Variants in SRC observed in about 807,000 individuals in gnomAD.
SRC encodes proto-oncogene tyrosine-protein kinase Src.
Under a neutral mutation model 62.9 loss-of-function variants are expected in SRC, and 13 were observed. The observed-to-expected ratio is 0.21, with a 90% confidence interval of 0.13 to 0.33. SRC has a LOEUF of 0.33. Among genes scored for constraint, SRC ranks in the 10% least tolerant of loss-of-function variants. The probability of loss-of-function intolerance (pLI) is 1.00; values close to 1 mark genes in which losing one functional copy is unlikely to be tolerated. For synonymous variants in SRC, 302 were observed against 317.5 expected, an observed-to-expected ratio of 0.95 and a Z score of 0.52; for missense variants, 457 against 737.3, an observed-to-expected ratio of 0.62 and a Z score of 4.40.
At position 37,367,518 on chromosome 20, in the gene SRC, T is replaced by C. The variant is rs185805827; in HGVS notation, c.-173+2241T>C. On this transcript the variant is annotated intron_variant, in intron 2 of 13. Coordinates refer to ENST00000373578, the MANE Select transcript of SRC (RefSeq NM_198291.3). ...TTATGATTAATGTAATCTATTTTTT[T>C]CCTTAGAGACAGGGTCTCACTATGT... Among the ~76,000 whole-genome samples, 267 of 152,168 alleles carry C rather than the reference T, an allele frequency of 1.8e-3. 1 individual carries two copies. The highest frequency in any genetic ancestry group is 6.1e-3 in the African/African-American group (252 of 41,498).
chr20:37,365,690 T>C (rs2070052790), intron 2 of SRC, among the ~76,000 whole-genome samples: 1 of 151,936 alleles, frequency 6.6e-6, no homozygotes, highest in Admixed American at 6.6e-5. Context: ...GCTCAAACGA[T>C]CCTCCCACCT....
rs2070671013 is a variant in SRC at position 37,397,492 on chromosome 20, ATGAC to A, written c.704-201_704-198del. On this transcript the variant is annotated intron_variant, in intron 8 of 13. Coordinates refer to ENST00000373578, the MANE Select transcript of SRC (RefSeq NM_198291.3). This position sits in a 1 kb window ranked among gnomAD's most constrained non-coding sequence, Gnocchi z 4.1. ...TACTGTCTGCTGAATGACTGACTGA[ATGAC>A]TGACTCAGCAGATGCATAAAGCACT... 6.6e-6 allele frequency among the ~76,000 whole-genome samples: 1 copy of A among 152,144 alleles called. No individual in the cohort carries two copies. The highest frequency in any genetic ancestry group is 6.5e-5 in the Admixed American group (1 of 15,282).
Position 37,398,265 on chromosome 20 carries a change from G to A in SRC, c.859+411G>A, listed in dbSNP as rs2070688026. Among the ~76,000 whole-genome samples, 2 of 152,182 alleles carry A rather than the reference G, an allele frequency of 1.3e-5. No individual in the cohort carries two copies. The highest frequency in any genetic ancestry group is 2.9e-5 in the Non-Finnish European group (2 of 68,028). On this transcript the variant is annotated intron_variant, in intron 9 of 13. Coordinates refer to ENST00000373578, the MANE Select transcript of SRC (RefSeq NM_198291.3). This position sits in a 1 kb window ranked among gnomAD's most constrained non-coding sequence, Gnocchi z 5.2. Reference sequence around the variant, plus strand: ...GAGAGAGAAGCCCGGCTCGCAGGAGGGAGTGCTGGGAAGCTTAGGTCTGGC... The same window carrying A: ...GAGAGAGAAGCCCGGCTCGCAGGAGAGAGTGCTGGGAAGCTTAGGTCTGGC...
rs1292768482 is a variant in SRC, at chr20:37,404,195, G to A, written c.*816G>A. ...TCATGGAAAGACTGGGACAGCCCAG[G>A]AAACAAGGGGTCTGAGGATGCATTC... On this transcript the variant is annotated 3_prime_UTR_variant, in exon 14 of 14. Coordinates refer to ENST00000373578, the MANE Select transcript of SRC (RefSeq NM_198291.3). The A allele has an allele frequency of 4.3e-6, 1 of 233,584 alleles. No homozygotes were observed. Among genetic ancestry groups the A allele is most frequent in the Non-Finnish European group, 8.5e-6 (1 of 118,074 alleles). 14.5% of individuals were successfully genotyped at this position (233,584 alleles called of 1,614,324 possible).
At chr20:37,349,868 C>T (rs958720343) in intron 1 of SRC, among the ~76,000 whole-genome samples, 2 of 152,254 alleles carry the variant, frequency 1.3e-5, no homozygotes, top group Non-Finnish European at 2.9e-5. Flanking sequence ...CCCAGCCCCG[C>T]TTCTTCGAAG....
At chr20:37,368,518 C>CTTTTTTTTTTTTTTTTTTTGTTTTTTTTT (rs2070103542) in intron 2 of SRC, among the ~76,000 whole-genome samples, 1 of 73,898 alleles carries the variant, frequency 1.4e-5, no homozygotes, top group African/African-American at 4.3e-5. Flanking sequence ...CCTATATTTT[C>CTTTTTTTTTTTTTTTTTTTGTTTTTTTTT]TTTTTTTTTT....
rs2070641367 is a variant in SRC at position 37,396,087 on chromosome 20, A to C, written c.554-75A>C. The stretch of plus-strand genomic sequence containing the variant: ...CCCTTCCCTCCAATGTCAGGCAGGC[A>C]CAGAACGGTGTCCAGAGCAGCGGCC... On this transcript the variant is annotated intron_variant, in intron 7 of 13. Transcript: ENST00000373578. The surrounding 1 kb of genome is among the most constrained non-coding windows in gnomAD (Gnocchi z 6.1). 2 of 1,560,066 alleles carry C rather than the reference A, an allele frequency of 1.3e-6. No individual in the cohort carries two copies. The highest frequency in any genetic ancestry group is 8.7e-7 in the Non-Finnish European group (1 of 1,154,004).
At chr20:37,370,156 G>A (rs535031110) in intron 2 of SRC, among the ~76,000 whole-genome samples, 17 of 152,276 alleles carry the variant, frequency 1.1e-4, no homozygotes, top group African/African-American at 3.9e-4. Context: ...CCCTTCTATC[G>A]TTTTTGTCAT....
At position 37,392,828 on chromosome 20, in the gene SRC, C is replaced by A. The variant is rs914679695; in HGVS notation, c.351-1067C>A. Among the ~76,000 whole-genome samples the A allele has an allele frequency of 6.5e-4, 99 of 152,132 alleles. 1 individual carries two copies. Among genetic ancestry groups the A allele is most frequent in the Non-Finnish European group, 1.6e-4 (11 of 68,022 alleles). ...GATGTGAGGCCTCTGTGGCTGCCCC[C>A]TCGTCCCCTGTCCCCAGCACCGCCT... On this transcript the variant is annotated intron_variant, in intron 5 of 13. Transcript: ENST00000373578.
In SRC at chr20:37,393,949, C is replaced by T; in HGVS notation, c.405C>T (p.Ile135=). The T allele has an allele frequency of 6.2e-7, 1 of 1,614,116 alleles. No homozygotes were observed. Among genetic ancestry groups the T allele is most frequent in the Non-Finnish European group, 8.5e-7 (1 of 1,180,034 alleles). The change falls in exon 6 of 14, where the codon ATC becomes ATT. Residue 135 remains isoleucine (I), a synonymous_variant. Coordinates refer to ENST00000373578, the MANE Select transcript of SRC (RefSeq NM_198291.3). ...TCAGCACAGGACAGACAGGCTACAT[C>T]CCCAGCAACTACGTGGCGCCCTCCG... ...HSLSTGQTGY[I]PSNYVAPSDS... is the part of the protein sequence containing the mutation.
chr20:37,359,130 G>A (rs539140647), intron 1 of SRC, among the ~76,000 whole-genome samples: 2 of 152,388 alleles, frequency 1.3e-5, no homozygotes, highest in East Asian at 3.9e-4. Context: ...GACCAGGCAG[G>A]TGGCAGGAGG....
chr20:37,354,761 C>T (rs2069856012), intron 1 of SRC, among the ~76,000 whole-genome samples: 1 of 152,230 alleles, frequency 6.6e-6, no homozygotes, highest in Non-Finnish European at 1.5e-5. Context: ...TGCCAGCACC[C>T]AGATCCTGCC....
chr20:37,403,229 G>A lies in SRC; in HGVS notation c.1461G>A (p.Pro487=), dbSNP rs764788759. 4.1e-5 allele frequency: 64 copies of A among 1,577,958 alleles called. No homozygotes were observed. The highest frequency in any genetic ancestry group is 5.2e-5 in the Non-Finnish European group (61 of 1,164,256). Residue 487 remains proline, a synonymous_variant, in exon 14 of 14, where the codon CCG becomes CCA. Transcript: ENST00000373578. This position sits in a 1 kb window ranked among gnomAD's most constrained non-coding sequence, Gnocchi z 7.1. ...QVERGYRMPC[P]PECPESLHDL... ...AGCGGGGCTACCGGATGCCCTGCCCGCCGGAGTGTCCCGAGTCCCTGCACG... is the reference window on the plus strand; with the variant it reads ...AGCGGGGCTACCGGATGCCCTGCCCACCGGAGTGTCCCGAGTCCCTGCACG...
At chr20:37,362,794 C>G (rs913880671) in intron 1 of SRC, among the ~76,000 whole-genome samples, 1 of 152,124 alleles carries the variant, frequency 6.6e-6, no homozygotes, top group African/African-American at 2.4e-5. Flanking sequence ...GATGCTGTCT[C>G]CTTCTCAGTG....
chr20:37,395,039 G>T (rs764265633), intron 7 of SRC, among the ~76,000 whole-genome samples: 1 of 152,166 alleles, frequency 6.6e-6, no homozygotes, highest in South Asian at 2.1e-4. Flanking sequence ...TGGCTACTGG[G>T]CATGGGCATG....
At chr20:37,388,383 G>A (rs1163248591) in intron 5 of SRC, among the ~76,000 whole-genome samples, 1 of 152,196 alleles carries the variant, frequency 6.6e-6, no homozygotes, top group Non-Finnish European at 1.5e-5. Context: ...TAGCTGATTG[G>A]GAGATGGGGG....
In SRC at chr20:37,397,734, G is replaced by T; in HGVS notation, c.739G>T (p.Val247Leu). ...ADGLCHRLTT[V>L]CPTSKPQTQG... ...TGGCCTGTGCCACCGCCTCACCACCGTGTGCCCCACGTCCAAGCCGCAGAC... is the reference window on the plus strand; with the variant it reads ...TGGCCTGTGCCACCGCCTCACCACCTTGTGCCCCACGTCCAAGCCGCAGAC... The change falls in exon 9 of 14, where the codon GTG becomes TTG. Residue 247 changes from valine (V) to leucine (L), a missense_variant. Physicochemically the swap from Val to Leu is conservative, Grantham distance 32 (BLOSUM62 1). Coordinates refer to ENST00000373578, the MANE Select transcript of SRC (RefSeq NM_198291.3). The surrounding 1 kb of genome is among the most constrained non-coding windows in gnomAD (Gnocchi z 4.1). 3.7e-6 allele frequency: 6 copies of T among 1,606,202 alleles called. No homozygotes were observed. The highest frequency in any genetic ancestry group is 5.1e-6 in the Non-Finnish European group (6 of 1,175,918).
intron 2 of SRC, among the ~76,000 whole-genome samples, chr20:37,378,333 C>T (rs777566009): frequency 6.6e-6 from 1 of 151,822 alleles, no homozygotes; most frequent in South Asian, 2.1e-4. Context: ...TATAGAGATA[C>T]AGTCTCACTA....
rs1172097421 is a variant in SRC, at chr20:37,402,360, C to T, written c.1117-75C>T. On this transcript the variant is annotated intron_variant, in intron 11 of 13. Coordinates refer to ENST00000373578, the MANE Select transcript of SRC (RefSeq NM_198291.3). This position sits in a 1 kb window ranked among gnomAD's most constrained non-coding sequence, Gnocchi z 6.2. ...GGTGGGGAAGGGGTGGTTGGCTCTC[C>T]AGCCCCAGAGTGCTCTGTGGCCCTG... 7.1e-6 allele frequency: 11 copies of T among 1,551,540 alleles called. No individual in the cohort carries two copies. Among genetic ancestry groups the T allele is most frequent in the Non-Finnish European group, 9.6e-6 (11 of 1,147,408 alleles).
Sources: gnomAD v4.1 joint callset for allele counts (sites outside exome capture counted in the v4.1 genomes callset) on GRCh38, gnomAD v4.1.1 for gene constraint, Gnocchi (gnomAD v3.1) non-coding constraint, MANE v1.5 for transcripts, NCBI Gene and HGNC (gene_info 2026-07-23, HGNC 2026-07-21) for gene names.